The following FAM222A variants were observed in gnomAD, a reference collection of about 807,000 sequenced individuals.
The protein encoded by FAM222A is family with sequence similarity 222 member A, also known as protein FAM222A.
Under a neutral mutation model 25.8 loss-of-function variants are expected in FAM222A, and 7 were observed. The ratio of observed to expected loss-of-function variants is 0.27; its 90% CI spans 0.15 to 0.51. The LOEUF (loss-of-function observed/expected upper bound fraction) is 0.51. Ranked by LOEUF, FAM222A falls within the 20% of genes least tolerant of loss-of-function variation. The pLI is 0.97. For missense variants in FAM222A, 573 were observed against 640.5 expected (o/e 0.89, Z 1.14); for synonymous variants, 294 against 298.8 (o/e 0.98, Z 0.17).
chr12:109,716,322 A>G (rs964079781), intron 1 of FAM222A, among the ~76,000 whole-genome samples: 2 of 152,118 alleles, frequency 1.3e-5, no homozygotes, highest in African/African-American at 4.8e-5. Flanking sequence ...TTTCTAGGAA[A>G]AGGTTCGAAA....
intron 2 of FAM222A, 131 bp downstream of exon 2, chr12:109,744,359 C>T (rs1266691020): frequency 2.1e-6 from 3 of 1,425,498 alleles, no homozygotes; most frequent in South Asian, 1.5e-5. Context: ...CAGGCCTTGG[C>T]CCCGGCTGTG....
chr12:109,736,561 G>A (rs1888092957), intron 1 of FAM222A, among the ~76,000 whole-genome samples: 2 of 152,188 alleles, frequency 1.3e-5, no homozygotes, highest in African/African-American at 4.8e-5. Flanking sequence ...GGCCAGGTAG[G>A]GTGACCCCAA....
At chr12:109,748,354 T>G (rs1163711790) in intron 2 of FAM222A, among the ~76,000 whole-genome samples, 13 of 137,606 alleles carry the variant, frequency 9.4e-5, no homozygotes, top group Non-Finnish European at 1.7e-4. Context: ...TTTTTTTTTT[T>G]GGAACAATTT....
intron 2 of FAM222A, among the ~76,000 whole-genome samples, chr12:109,748,338 T>C (rs3886866): frequency 0.012 from 1,320 of 106,936 alleles, 9 homozygotes; most frequent in Non-Finnish European, 0.016. Flanking sequence ...TTCTTTCTTT[T>C]TTTTTTTTTT....
chr12:109,749,226 C>A (rs1888491428), intron 2 of FAM222A, among the ~76,000 whole-genome samples: 1 of 152,148 alleles, frequency 6.6e-6, no homozygotes, highest in Non-Finnish European at 1.5e-5. Flanking sequence ...TCTGCCTCAG[C>A]CTCCTGAGTA....
At chr12:109,757,558 C>CAAAACCATAT (rs1234889584) in intron 2 of FAM222A, among the ~76,000 whole-genome samples, 1 of 152,062 alleles carries the variant, frequency 6.6e-6, no homozygotes, top group Non-Finnish European at 1.5e-5. Context: ...CTGTGGAAAG[C>CAAAACCATAT]AAAACCATAT....
intron 2 of FAM222A, among the ~76,000 whole-genome samples, chr12:109,758,636 C>T (rs1033277165): frequency 6.6e-5 from 10 of 151,484 alleles, no homozygotes; most frequent in African/African-American, 2.2e-4. Flanking sequence ...CTAGCCCAGC[C>T]GCCGTCCCTG....
rs1020803472 is a variant in FAM222A at position 109,714,204 on chromosome 12, CGCCGCCGCCGCCGCT to C, written c.-728_-714del. On this transcript the variant is annotated 5_prime_UTR_variant, in exon 1 of 3. Transcript: ENST00000538780. The surrounding 1 kb of genome is among the most constrained non-coding windows in gnomAD (Gnocchi z 4.2). ...CATCCGAGCTTGCGTCGCCCGCTGC[CGCCGCCGCCGCCGCT>C]GCCGCCGCCGCTGTTCGCCGGCTTC... The C allele has an allele frequency of 5.6e-5, 11 of 197,430 alleles. No individual in the cohort carries two copies. Among genetic ancestry groups the C allele is most frequent in the Non-Finnish European group, 7.1e-5 (7 of 98,146 alleles). The allele number at this position is 197,430 out of a possible 1,614,324, so 12.2% of individuals were successfully genotyped here. A position where few individuals can be genotyped will look rare whatever the true frequency, so the allele number is the denominator to read the frequency against.
At chr12:109,718,187 G>A (rs1291625111) in intron 1 of FAM222A, among the ~76,000 whole-genome samples, 1 of 152,196 alleles carries the variant, frequency 6.6e-6, no homozygotes, top group Non-Finnish European at 1.5e-5. Context: ...TCCTCAGAAC[G>A]GAGCCTTGAA....
chr12:109,763,948 C>T (rs977084040), intron 2 of FAM222A, among the ~76,000 whole-genome samples: 13 of 152,040 alleles, frequency 8.6e-5, no homozygotes, highest in Admixed American at 3.3e-4. Flanking sequence ...GGCTGGGTGC[C>T]GTGGCATCTC....
chr12:109,743,203 C>T (rs1888291852), intron 1 of FAM222A, among the ~76,000 whole-genome samples: 1 of 152,166 alleles, frequency 6.6e-6, no homozygotes, highest in African/African-American at 2.4e-5. Context: ...CGCCACCCTC[C>T]CATTGGGGCC....
chr12:109,744,833 A>G, intron 2 of FAM222A: 2 of 953,612 alleles, frequency 2.1e-6, no homozygotes, highest in Non-Finnish European at 2.5e-6. Context: ...TCTTGAAAAA[A>G]ACAAAAACAG....
At chr12:109,738,028 G>C (rs1888134235) in intron 1 of FAM222A, among the ~76,000 whole-genome samples, 2 of 152,250 alleles carry the variant, frequency 1.3e-5, no homozygotes, top group African/African-American at 4.8e-5. Context: ...AGAGACAGCA[G>C]GAAGGAGAAG....
In FAM222A at chr12:109,769,382, C is replaced by A. The variant is rs1249118635; in HGVS notation, c.*94C>A. On this transcript the variant is annotated 3_prime_UTR_variant, in exon 3 of 3. Transcript: ENST00000538780. ...TGGGCGGCTCGCAGGGGCGCTCAGC[C>A]CCACCCTGTGCCTGCTGATGCCCAC... 1 of 1,414,718 alleles carries A rather than the reference C, an allele frequency of 7.1e-7. No individual in the cohort carries two copies. The highest frequency in any genetic ancestry group is 2.5e-5 in the East Asian group (1 of 39,934). 87.6% of individuals were successfully genotyped at this position (1,414,718 alleles called of 1,614,324 possible). A position where few individuals can be genotyped will look rare whatever the true frequency, so the allele number is the denominator to read the frequency against.
At position 109,728,381 on chromosome 12, in the gene FAM222A, G is replaced by C. The variant is rs374743482; in HGVS notation, c.-47+13484G>C. Among the ~76,000 whole-genome samples the C allele has an allele frequency of 3.7e-4, 56 of 152,272 alleles. 2 individuals are homozygous for C. The South Asian group carries it at 0.011, about 31-fold the overall frequency. On this transcript the variant is annotated intron_variant, in intron 1 of 2. Coordinates refer to ENST00000538780, the MANE Select transcript of FAM222A (RefSeq NM_032829.3). ...CACGGGGATTGTGGCTTCTGGTGAG[G>C]CCCAGCCCTTAGTCTCTTCCTAATC...
intron 1 of FAM222A, among the ~76,000 whole-genome samples, chr12:109,718,303 A>ACCCCCCCCCC (rs1887683379): frequency 1.6e-5 from 1 of 63,344 alleles, no homozygotes; most frequent in African/African-American, 5.3e-5. Context: ...TGAGGCCCCC[A>ACCCCCCCCCC]CCCACCCACC....
At chr12:109,742,394 G>A (rs1888268019) in intron 1 of FAM222A, among the ~76,000 whole-genome samples, 1 of 152,218 alleles carries the variant, frequency 6.6e-6, no homozygotes, top group South Asian at 2.1e-4. Flanking sequence ...TGCAGTCAAG[G>A]ACTTTCATCC....
chr12:109,724,931 T>C (rs1368019590), intron 1 of FAM222A, among the ~76,000 whole-genome samples: 1 of 152,164 alleles, frequency 6.6e-6, no homozygotes, highest in Non-Finnish European at 1.5e-5. Flanking sequence ...TGCCAGGAAT[T>C]CAGGATTTTT....
intron 1 of FAM222A, among the ~76,000 whole-genome samples, chr12:109,729,691 G>A (rs1029598167): frequency 6.6e-5 from 10 of 152,270 alleles, no homozygotes; most frequent in Non-Finnish European, 1.2e-4. Context: ...GCTGGGAGAC[G>A]GCGCCGCCAC....
Sources: gnomAD v4.1 joint callset for allele counts (sites outside exome capture counted in the v4.1 genomes callset) on GRCh38, gnomAD v4.1.1 for gene constraint, Gnocchi (gnomAD v3.1) non-coding constraint, MANE v1.5 for transcripts, NCBI Gene and HGNC (gene_info 2026-07-23, HGNC 2026-07-21) for gene names.